TTC28: variants seen among roughly 807,000 people sequenced by gnomAD.
The protein encoded by TTC28 is tetratricopeptide repeat domain 28.
TTC28 carries 61 observed loss-of-function variants against 198.0 expected under a neutral mutation model. The ratio of observed to expected loss-of-function variants is 0.31; its 90% CI spans 0.25 to 0.38. The LOEUF (loss-of-function observed/expected upper bound fraction) is 0.38. Ranked by LOEUF, TTC28 falls within the 10% of genes least tolerant of loss-of-function variation. The pLI is 1.00. For missense variants in TTC28, 2,678 were observed against 3,164.0 expected, an observed-to-expected ratio of 0.85 and a Z score of 3.69; for synonymous variants, 1,171 against 1,297.8, an observed-to-expected ratio of 0.90 and a Z score of 2.10.
chr22:28,334,129 G>C (rs1412168599), intron 2 of TTC28, among the ~76,000 whole-genome samples: 1 of 151,606 alleles, frequency 6.6e-6, no homozygotes, highest in Non-Finnish European at 1.5e-5. Context: ...GCGATAGTTT[G>C]CTGAGAATGA....
intron 2 of TTC28, among the ~76,000 whole-genome samples, chr22:28,333,503 T>A (rs770806986): frequency 3.3e-5 from 5 of 152,086 alleles, no homozygotes; most frequent in Non-Finnish European, 7.4e-5. Context: ...GGTAAGAACG[T>A]CCCTTTGCTC....
chr22:28,264,531 G>A (rs1307834582), intron 5 of TTC28, among the ~76,000 whole-genome samples: 1 of 152,184 alleles, frequency 6.6e-6, no homozygotes, highest in Non-Finnish European at 1.5e-5. Flanking sequence ...CTCTGGGAAG[G>A]AGAAGAAAGG....
intron 2 of TTC28, among the ~76,000 whole-genome samples, chr22:28,336,268 A>G (rs925375384): frequency 4.6e-5 from 7 of 152,114 alleles, no homozygotes; most frequent in African/African-American, 7.2e-5. Context: ...TTTTTGCATC[A>G]ATGTTCATCA....
Position 28,606,878 on chromosome 22 carries a change from C to T in TTC28, c.381+22674G>A, listed in dbSNP as rs2050744497. ...TAACATGAAAAGAAGTGCCCATTGCCTTTGATGGATTTAGTTCATGGTGGT... is the reference window on the plus strand; with the variant it reads ...TAACATGAAAAGAAGTGCCCATTGCTTTTGATGGATTTAGTTCATGGTGGT... On this transcript the variant is annotated intron_variant, in intron 2 of 22. Coordinates refer to ENST00000397906, the MANE Select transcript of TTC28 (RefSeq NM_001145418.2). 2.6e-5 allele frequency among the ~76,000 whole-genome samples: 4 copies of T among 152,180 alleles called. No individual in the cohort carries two copies. In the South Asian group the frequency reaches 8.3e-4, roughly 32 times the overall value.
At chr22:28,294,187 T>C (rs2044843938) in intron 5 of TTC28, among the ~76,000 whole-genome samples, 1 of 152,118 alleles carries the variant, frequency 6.6e-6, no homozygotes, top group Non-Finnish European at 1.5e-5. Context: ...AAGGGCAATT[T>C]TGGAAGGGCT....
intron 1 of TTC28, among the ~76,000 whole-genome samples, chr22:28,658,033 A>G (rs2145689619): frequency 6.6e-6 from 1 of 152,344 alleles, no homozygotes; most frequent in Non-Finnish European, 1.5e-5. Flanking sequence ...ACTTTCTTAC[A>G]ATATTGTTAA....
At chr22:28,387,321 T>C (rs1038543918) in intron 2 of TTC28, among the ~76,000 whole-genome samples, 7 of 152,242 alleles carry the variant, frequency 4.6e-5, no homozygotes, top group African/African-American at 1.2e-4. Context: ...CATGTGTCTT[T>C]ATAGCAGCAT....
At chr22:28,553,887 T>C (rs374627796) in intron 2 of TTC28, among the ~76,000 whole-genome samples, 5 of 152,294 alleles carry the variant, frequency 3.3e-5, no homozygotes, top group East Asian at 3.9e-4. Flanking sequence ...CAGCGGCTCA[T>C]TGAGAACGGG....
At position 27,982,985 on chromosome 22, in the gene TTC28, GT is replaced by G; in HGVS notation, c.6681del (p.Pro2228GlnfsTer18). On this transcript the variant is annotated frameshift_variant, in exon 23 of 23. Coordinates refer to ENST00000397906, the MANE Select transcript of TTC28 (RefSeq NM_001145418.2). LOFTEE classifies it high-confidence loss of function. This position sits in a 1 kb window ranked among gnomAD's most constrained non-coding sequence, Gnocchi z 5.2. Reference protein sequence around the residue: ...PVLSHQKSQPSPVTVKPKPPA... With the variant: ...PVLSHQKSQPXPVTVKPKPPA... ...GGGGGCTTTGGTTTAACAGTGACTGGTGATGGCTGACTCTTCTGATGGGAGA... is the reference window on the plus strand; with the variant it reads ...GGGGGCTTTGGTTTAACAGTGACTGGGATGGCTGACTCTTCTGATGGGAGA... 1.9e-6 allele frequency: 3 copies of G among 1,551,706 alleles called. No homozygotes were observed. The highest frequency in any genetic ancestry group is 2.6e-6 in the Non-Finnish European group (3 of 1,146,994).
chr22:28,067,776 T>C (rs558411389), intron 12 of TTC28, among the ~76,000 whole-genome samples: 4 of 152,342 alleles, frequency 2.6e-5, no homozygotes, highest in South Asian at 2.1e-4. Context: ...GCTTTTAAAA[T>C]TGTCTGTTAT....
At chr22:28,091,666 GCT>G (rs1941818627) in intron 12 of TTC28, among the ~76,000 whole-genome samples, 1 of 152,100 alleles carries the variant, frequency 6.6e-6, no homozygotes, top group Non-Finnish European at 1.5e-5. Context: ...GGGTCACCGT[GCT>G]CTCTTAGATC....
chr22:28,336,524 T>C (rs1396738377), intron 2 of TTC28, among the ~76,000 whole-genome samples: 1 of 152,216 alleles, frequency 6.6e-6, no homozygotes, highest in Non-Finnish European at 1.5e-5. Flanking sequence ...GAGCCTGTTA[T>C]TGGTCTATTC....
chr22:28,635,841 A>C (rs1364941082), intron 1 of TTC28, among the ~76,000 whole-genome samples: 1 of 152,138 alleles, frequency 6.6e-6, no homozygotes, highest in Non-Finnish European at 1.5e-5. Context: ...CTACTCTCTT[A>C]GCAAATTTCA....
At chr22:28,156,779 G>C (rs1204702376) in intron 6 of TTC28, among the ~76,000 whole-genome samples, 1 of 152,146 alleles carries the variant, frequency 6.6e-6, no homozygotes, top group Non-Finnish European at 1.5e-5. Flanking sequence ...GTCAAAGGTT[G>C]GGGGTACAAA....
chr22:28,260,182 C>G (rs1931223265), intron 5 of TTC28, among the ~76,000 whole-genome samples: 2 of 152,170 alleles, frequency 1.3e-5, no homozygotes, highest in African/African-American at 4.8e-5. Flanking sequence ...AGGACATAAA[C>G]ATGCCTCTAA....
At chr22:28,410,566 CTG>C (rs1369898298) in intron 2 of TTC28, among the ~76,000 whole-genome samples, 2 of 152,142 alleles carry the variant, frequency 1.3e-5, no homozygotes, top group East Asian at 1.9e-4. Flanking sequence ...GAAGAGGAAA[CTG>C]TGAATCCTAA....
chr22:28,024,365 T>C (rs1053241624), intron 13 of TTC28, among the ~76,000 whole-genome samples: 3 of 152,064 alleles, frequency 2.0e-5, no homozygotes, highest in African/African-American at 7.2e-5. Context: ...GACCCTGAGA[T>C]GTGAATGGGC....
At chr22:28,002,523 TTGAC>T (rs1406611995) in intron 14 of TTC28, 2 of 152,100 alleles carry the variant, frequency 1.3e-5, no homozygotes, top group Non-Finnish European at 2.9e-5. Context: ...CCGTGGGCAC[TTGAC>T]TGAGAGTGGC....
chr22:28,531,629 C>A lies in TTC28; in HGVS notation c.381+97923G>T, dbSNP rs555339447. On this transcript the variant is annotated intron_variant, in intron 2 of 22. Transcript: ENST00000397906. ...ACATTCTTCTCAGCACCACATCACA[C>A]TTATTCCAAAATTGACCACATAGTT... 2.0e-5 allele frequency among the ~76,000 whole-genome samples: 3 copies of A among 152,328 alleles called. No individual in the cohort carries two copies. The East Asian group carries it at 5.8e-4, about 29-fold the overall frequency.
Sources: allele counts gnomAD v4.1 joint callset (sites outside exome capture counted in the v4.1 genomes callset), GRCh38; gene constraint gnomAD v4.1.1; non-coding constraint Gnocchi (gnomAD v3.1); transcripts MANE v1.5; gene names NCBI Gene and HGNC (gene_info 2026-07-23, HGNC 2026-07-21).